ZNF638: variants seen among roughly 807,000 people sequenced by gnomAD.
ZNF638 encodes the protein CTCL tumor antigen se33-1.
In ZNF638, 46 loss-of-function variants were observed where a neutral mutation model predicts 195.6. That is an observed-to-expected ratio of 0.24 (90% CI 0.19 to 0.30). ZNF638 has a LOEUF of 0.30. Ranked by LOEUF, ZNF638 falls within the 10% of genes least tolerant of loss-of-function variation. The probability of loss-of-function intolerance (pLI) is 1.00; values close to 1 mark genes in which losing one functional copy is unlikely to be tolerated. For synonymous variants in ZNF638, 845 were observed against 772.0 expected (o/e 1.09, Z -1.57); for missense variants, 2,440 against 2,325.3 (o/e 1.05, Z -1.01).
In ZNF638 at chr2:71,332,433, A is replaced by G. The variant is rs377113916; in HGVS notation, c.-203+558A>G. Among the ~76,000 whole-genome samples, 7 of 152,140 alleles carry G rather than the reference A, an allele frequency of 4.6e-5. No individual in the cohort carries two copies. In the South Asian group the frequency reaches 8.3e-4, roughly 18 times the overall value. ...GGGTTGGGGAGGGGGTGTCGGGATGAAGGAGGGAATGTTAGGATCCAGCGG... is the reference window on the plus strand; with the variant it reads ...GGGTTGGGGAGGGGGTGTCGGGATGGAGGAGGGAATGTTAGGATCCAGCGG... On this transcript the variant is annotated intron_variant, in intron 1 of 27. Coordinates refer to ENST00000264447, the MANE Select transcript of ZNF638 (RefSeq NM_014497.5).
chr2:71,354,978 A>T (rs1027770568), intron 2 of ZNF638, among the ~76,000 whole-genome samples: 24 of 151,086 alleles, frequency 1.6e-4, no homozygotes, highest in Non-Finnish European at 3.1e-4. Flanking sequence ...TTTTATTTTT[A>T]TTTTTTTGGA....
intron 22 of ZNF638, among the ~76,000 whole-genome samples, 163 bp from the exon 23 acceptor site, chr2:71,424,487 T>G (rs923528228): frequency 1.3e-5 from 2 of 152,220 alleles, no homozygotes; most frequent in African/African-American, 2.4e-5. Context: ...CTATACTGTT[T>G]AGTGACTGTT....
intron 10 of ZNF638, among the ~76,000 whole-genome samples, chr2:71,385,960 G>A (rs1246137875): frequency 2.6e-5 from 4 of 152,076 alleles, no homozygotes; most frequent in East Asian, 3.9e-4. Context: ...AGAGAGGGTC[G>A]TATTGGAAGT....
chr2:71,375,334 G>C (rs1430339351), intron 8 of ZNF638: 1 of 152,210 alleles, frequency 6.6e-6, no homozygotes, highest in Non-Finnish European at 1.5e-5. Context: ...GTGGTCCAGT[G>C]CTCGTGCAAC....
chr2:71,411,761 T>C (rs1425343805), intron 20 of ZNF638, among the ~76,000 whole-genome samples: 1 of 58,834 alleles, frequency 1.7e-5, no homozygotes, highest in Non-Finnish European at 3.5e-5. Flanking sequence ...TTACTGAGAA[T>C]GATGGTTTCC....
At chr2:71,390,936 G>A (rs1558863289) in intron 10 of ZNF638, among the ~76,000 whole-genome samples, 1 of 152,168 alleles carries the variant, frequency 6.6e-6, no homozygotes, top group Non-Finnish European at 1.5e-5. Flanking sequence ...TTAGCCCAAT[G>A]GGGGCTGCAA....
At chr2:71,346,235 T>C (rs1048105013) in intron 1 of ZNF638, among the ~76,000 whole-genome samples, 5 of 152,232 alleles carry the variant, frequency 3.3e-5, no homozygotes, top group Admixed American at 2.6e-4. Flanking sequence ...TCAGAAAGCA[T>C]TGTAATAACT....
intron 8 of ZNF638, 105 bp from the exon 9 acceptor site, chr2:71,380,114 GTAA>G (rs1421633580): frequency 4.7e-5 from 24 of 512,480 alleles, no homozygotes; most frequent in Non-Finnish European, 6.6e-5. Flanking sequence ...ATAGGAAAAG[GTAA>G]TAATCATGTG....
rs1558875884 is a variant in ZNF638, at chr2:71,410,374, T to TGTG, written c.3261+2127_3261+2128insGTG. On this transcript the variant is annotated intron_variant, in intron 20 of 27. Transcript: ENST00000264447. ...TTTATTTTATTTGATTTTTGATTTT[T>TGTG]TTTTTGTGTGTGTGTGTGTGTAGAT... is the stretch of plus-strand genomic sequence containing the variant. 2.5e-3 allele frequency among the ~76,000 whole-genome samples: 354 copies of TGTG among 139,948 alleles called. 1 individual carries two copies. Among genetic ancestry groups the TGTG allele is most frequent in the African/African-American group, 9.5e-3 (342 of 35,940 alleles). The allele number at this position is 139,948 out of a possible 152,430, so 91.8% of individuals were successfully genotyped here. A position where few individuals can be genotyped will look rare whatever the true frequency, so the allele number is the denominator to read the frequency against.
At chr2:71,374,402 C>T (rs551689165) in intron 8 of ZNF638, among the ~76,000 whole-genome samples, 72 of 152,200 alleles carry the variant, frequency 4.7e-4, no homozygotes, top group Middle Eastern at 6.8e-3. Context: ...CTATAGCTTC[C>T]TAATATTTCC....
At chr2:71,417,943 A>G (rs571877314) in intron 20 of ZNF638, among the ~76,000 whole-genome samples, 2 of 152,308 alleles carry the variant, frequency 1.3e-5, no homozygotes, top group South Asian at 4.1e-4. Context: ...CAGAGAGTGC[A>G]TGATTTCTCA....
At chr2:71,350,734 T>C (rs2078925722) in intron 2 of ZNF638, among the ~76,000 whole-genome samples, 1 of 152,240 alleles carries the variant, frequency 6.6e-6, no homozygotes. Context: ...TTAATGTTGA[T>C]TTAAATATTT....
At chr2:71,341,240 T>G (rs2104114257) in intron 1 of ZNF638, among the ~76,000 whole-genome samples, 1 of 152,362 alleles carries the variant, frequency 6.6e-6, no homozygotes, top group African/African-American at 2.4e-5. Context: ...ATGGTTGACA[T>G]TATATTGAAT....
intron 6 of ZNF638, among the ~76,000 whole-genome samples, chr2:71,366,749 T>G (rs2079207177): frequency 6.6e-6 from 1 of 152,202 alleles, no homozygotes; most frequent in Admixed American, 6.5e-5. Flanking sequence ...TGTGGTACAG[T>G]TCAGAAGTCA....
At chr2:71,332,124 G>A (rs2078581206) in intron 1 of ZNF638, among the ~76,000 whole-genome samples, 1 of 152,210 alleles carries the variant, frequency 6.6e-6, no homozygotes, top group African/African-American at 2.4e-5. Context: ...GGCCCGTCCG[G>A]GTACTCGTGA....
At chr2:71,380,320 G>T in intron 9 of ZNF638, 40 bp downstream of exon 9, 1 of 1,404,098 alleles carries the variant, frequency 7.1e-7, no homozygotes, top group African/African-American at 1.5e-5. Flanking sequence ...AATGAAATGT[G>T]CATATGACTT....
chr2:71,425,880 G>C (rs1247447468), intron 23 of ZNF638, among the ~76,000 whole-genome samples: 2 of 152,024 alleles, frequency 1.3e-5, no homozygotes, highest in African/African-American at 2.4e-5. Context: ...GGCCAGGCTG[G>C]TCTCGAACTC....
chr2:71,411,495 T>G (rs2080226041), intron 20 of ZNF638, among the ~76,000 whole-genome samples: 2 of 132,512 alleles, frequency 1.5e-5, no homozygotes, highest in Admixed American at 1.6e-4. Flanking sequence ...TTTATTATAC[T>G]CTAAGTTTTA....
Position 71,348,366 on chromosome 2 carries a change from C to T in ZNF638, c.-202-387C>T, listed in dbSNP as rs925831949. The T allele has an allele frequency of 2.0e-5, 19 of 953,318 alleles. No individual in the cohort carries two copies. The African/African-American group carries it at 2.8e-4, about 14-fold the overall frequency. 59.1% of individuals were successfully genotyped at this position (953,318 alleles called of 1,614,324 possible). On this transcript the variant is annotated intron_variant, in intron 1 of 27. Coordinates refer to ENST00000264447, the MANE Select transcript of ZNF638 (RefSeq NM_014497.5). ...CTTTCATTATTTGTATATCTGATAA[C>T]ATGCGTATTAAATGTGTGCATTTAT...
Sources: gnomAD v4.1 joint callset for allele counts (sites outside exome capture counted in the v4.1 genomes callset) on GRCh38, gnomAD v4.1.1 for gene constraint, MANE v1.5 for transcripts, NCBI Gene and HGNC (gene_info 2026-07-23, HGNC 2026-07-21) for gene names.